PC: variants seen among roughly 807,000 people sequenced by gnomAD.
The protein encoded by PC is pyruvate carboxylase.
A neutral mutation model predicts 107.8 loss-of-function variants in PC; 46 were observed. That is an observed-to-expected ratio of 0.43 (90% CI 0.34 to 0.55). PC has a LOEUF of 0.55. Among genes scored for constraint, PC ranks in the 20% least tolerant of loss-of-function variants. The pLI is 0.04. For missense variants in PC, 1,241 were observed against 1,643.1 expected (o/e 0.76, Z 4.23); for synonymous variants, 662 against 684.7 (o/e 0.97, Z 0.52).
chr11:66,933,261 G>A (rs545255661), intron 3 of PC, among the ~76,000 whole-genome samples: 12 of 152,154 alleles, frequency 7.9e-5, no homozygotes, highest in East Asian at 3.9e-4. Flanking sequence ...CCCAGAAACC[G>A]TCAGATGAGG....
rs1475148295 is a variant in PC, at chr11:66,857,407, G to A, written c.1369-4024C>T. ...CGGGGGAGGGTATGGCGGGGAGTGG[G>A]GAGGCGGCTGGCGATTCCTGGGGAC... On this transcript the variant is annotated intron_variant, in intron 12 of 22. Coordinates refer to ENST00000393960, the MANE Select transcript of PC (RefSeq NM_001040716.2). The surrounding 1 kb of genome is among the most constrained non-coding windows in gnomAD (Gnocchi z 7.1). 7 of 290,842 alleles carry A rather than the reference G, an allele frequency of 2.4e-5. No homozygotes were observed. Among genetic ancestry groups the A allele is most frequent in the Non-Finnish European group, 4.5e-5 (7 of 156,612 alleles). 18.0% of individuals were successfully genotyped at this position (290,842 alleles called of 1,614,324 possible). A position where few individuals can be genotyped will look rare whatever the true frequency, so the allele number is the denominator to read the frequency against.
chr11:66,873,672 C>A (rs1946871454), intron 3 of PC, among the ~76,000 whole-genome samples: 2 of 148,014 alleles, frequency 1.4e-5, no homozygotes, highest in Admixed American at 7.0e-5. Context: ...AACCAAGGTA[C>A]AGTGGAGACT....
At chr11:66,901,771 C>A in intron 3 of PC, among the ~76,000 whole-genome samples, 1 of 152,180 alleles carries the variant, frequency 6.6e-6, no homozygotes, top group Non-Finnish European at 1.5e-5. Context: ...CCACGCCCAG[C>A]CAGGAAATGC....
intron 3 of PC, among the ~76,000 whole-genome samples, chr11:66,928,069 T>C (rs1210763437): frequency 6.6e-6 from 1 of 152,008 alleles, no homozygotes; most frequent in Non-Finnish European, 1.5e-5. Flanking sequence ...ACTGCTTGGC[T>C]CCAGGGTCTA....
rs769440763 is a variant in PC, at chr11:66,871,033, C to T, written c.633+19G>A. 1 of 1,613,818 alleles carries T rather than the reference C, an allele frequency of 6.2e-7. No individual in the cohort carries two copies. Among genetic ancestry groups the T allele is most frequent in the Non-Finnish European group, 8.5e-7 (1 of 1,179,860 alleles). On this transcript the variant is annotated intron_variant, in intron 7 of 22. Coordinates refer to ENST00000393960, the MANE Select transcript of PC (RefSeq NM_001040716.2). The surrounding 1 kb of genome is among the most constrained non-coding windows in gnomAD (Gnocchi z 7.4). ...CAGGCTGCCCTGCCCTGCTCCCAGC[C>T]CTGGGCATCTTCACTCACCTCGTAG... is the stretch of plus-strand genomic sequence containing the variant.
intron 3 of PC, among the ~76,000 whole-genome samples, chr11:66,897,477 CAGG>C (rs1291055459): frequency 6.6e-6 from 1 of 152,144 alleles, no homozygotes; most frequent in Non-Finnish European, 1.5e-5. Flanking sequence ...GAGGCTGAAG[CAGG>C]AGAATTGCTT....
In PC at chr11:66,870,164, A is replaced by G. The variant is rs2135934245; in HGVS notation, c.903+138T>C. On this transcript the variant is annotated intron_variant, in intron 9 of 22. Coordinates refer to ENST00000393960, the MANE Select transcript of PC (RefSeq NM_001040716.2). This position sits in a 1 kb window ranked among gnomAD's most constrained non-coding sequence, Gnocchi z 6.1. ...CAAACCCACTTCTGGCCCCCAGGAGAGTCCTTCACCCTCTTCTCCCCATCC... is the reference window on the plus strand; with the variant it reads ...CAAACCCACTTCTGGCCCCCAGGAGGGTCCTTCACCCTCTTCTCCCCATCC... The G allele has an allele frequency of 9.5e-7, 1 of 1,054,222 alleles. No individual in the cohort carries two copies. The highest frequency in any genetic ancestry group is 2.6e-5 in the East Asian group (1 of 39,024). 65.3% of individuals were successfully genotyped at this position (1,054,222 alleles called of 1,614,324 possible).
intron 12 of PC, among the ~76,000 whole-genome samples, chr11:66,855,652 A>G (rs1286746986): frequency 1.3e-5 from 2 of 152,192 alleles, no homozygotes; most frequent in African/African-American, 2.4e-5. Flanking sequence ...GTGCCACTGC[A>G]CATCAGAGTT....
chr11:66,882,952 A>G (rs1306520964), intron 3 of PC, among the ~76,000 whole-genome samples: 1 of 152,204 alleles, frequency 6.6e-6, no homozygotes, highest in Non-Finnish European at 1.5e-5. Context: ...GACGCTGGAA[A>G]CAATGCAGGT....
At chr11:66,932,497 CT>C (rs1948884305) in intron 3 of PC, among the ~76,000 whole-genome samples, 1 of 152,152 alleles carries the variant, frequency 6.6e-6, no homozygotes, top group Admixed American at 6.5e-5. Flanking sequence ...TGACTAAACC[CT>C]TGGGCTTACG....
chr11:66,871,605 C>T lies in PC; in HGVS notation c.321+82G>A, dbSNP rs1273394319. On this transcript the variant is annotated intron_variant, in intron 5 of 22. Coordinates refer to ENST00000393960, the MANE Select transcript of PC (RefSeq NM_001040716.2). This position sits in a 1 kb window ranked among gnomAD's most constrained non-coding sequence, Gnocchi z 7.4. ...CCCACCCACGCACAGAGGCGCTGAG[C>T]ACGCCAGCCTCAAGAGACCCCCGCG... 1 of 1,569,098 alleles carries T rather than the reference C, an allele frequency of 6.4e-7. No individual in the cohort carries two copies. Among genetic ancestry groups the T allele is most frequent in the Non-Finnish European group, 8.7e-7 (1 of 1,149,530 alleles).
intron 3 of PC, among the ~76,000 whole-genome samples, chr11:66,935,698 G>A (rs1337925042): frequency 6.6e-6 from 1 of 152,142 alleles, no homozygotes; most frequent in Non-Finnish European, 1.5e-5. Flanking sequence ...TCTTCCTAGT[G>A]AAGCTGAGAG....
chr11:66,890,471 AAAAT>A lies in PC; in HGVS notation c.1-18316_1-18313del, dbSNP rs200130076. ...GTGACAGAGCGAGACTCCATCTCAAAAAATAAATAAATAAATAAGGCAGTTTCAT... is the reference window on the plus strand; with the variant it reads ...GTGACAGAGCGAGACTCCATCTCAAAAAATAAATAAATAAGGCAGTTTCAT... On this transcript the variant is annotated intron_variant, in intron 3 of 22. Transcript: ENST00000393960. 5.7e-3 allele frequency among the ~76,000 whole-genome samples: 864 copies of A among 150,884 alleles called. 12 individuals carry two copies. Among genetic ancestry groups the A allele is most frequent in the Middle Eastern group, 0.02 (6 of 294 alleles).
intron 12 of PC, among the ~76,000 whole-genome samples, chr11:66,853,719 G>A (rs1181224612): frequency 1.3e-5 from 2 of 152,188 alleles, no homozygotes; most frequent in African/African-American, 4.8e-5. Context: ...CCTCGTCCAC[G>A]CTTCTCGAAA....
intron 12 of PC, chr11:66,856,500 G>GCC: frequency 6.6e-6 from 1 of 152,146 alleles, no homozygotes; most frequent in Non-Finnish European, 1.5e-5. Context: ...CGCCGCCCCA[G>GCC]CCCCCCCCAC....
chr11:66,893,034 A>G (rs1947631662), intron 3 of PC, among the ~76,000 whole-genome samples: 1 of 152,144 alleles, frequency 6.6e-6, no homozygotes, highest in South Asian at 2.1e-4. Flanking sequence ...TTAAGATGCT[A>G]CTTGGCAAGC....
chr11:66,951,772 C>T (rs1949443775), intron 3 of PC, among the ~76,000 whole-genome samples: 2 of 152,138 alleles, frequency 1.3e-5, no homozygotes, highest in South Asian at 2.1e-4. Context: ...CACCTGTAGT[C>T]CCAGCTACTC....
intron 20 of PC, 27 bp downstream of exon 20, chr11:66,849,910 C>T: frequency 6.2e-7 from 1 of 1,613,608 alleles, no homozygotes; most frequent in South Asian, 1.1e-5. Flanking sequence ...CAGCCCCCAC[C>T]CTCACACCAT....
chr11:66,853,638 G>T (rs1483145244), intron 12 of PC, among the ~76,000 whole-genome samples: 4 of 152,154 alleles, frequency 2.6e-5, no homozygotes, highest in Non-Finnish European at 5.9e-5. Context: ...CACCCTTCCT[G>T]CCTCCCCGCA....
Sources: allele counts gnomAD v4.1 joint callset (sites outside exome capture counted in the v4.1 genomes callset), GRCh38; gene constraint gnomAD v4.1.1; non-coding constraint Gnocchi (gnomAD v3.1); transcripts MANE v1.5; gene names NCBI Gene and HGNC (gene_info 2026-07-23, HGNC 2026-07-21).